ADSL: variants seen among roughly 807,000 people sequenced by gnomAD.
ADSL encodes the protein adenylosuccinate lyase.
A neutral mutation model predicts 62.1 loss-of-function variants in ADSL; 44 were observed. The observed-to-expected ratio is 0.71, with a 90% CI of 0.56 to 0.91. ADSL has a LOEUF of 0.91. Ranked by LOEUF, ADSL falls within the 40% of genes least tolerant of loss-of-function variation. The pLI is 0.00. For missense variants in ADSL, 531 were observed against 627.4 expected (o/e 0.85, Z 1.64); for synonymous variants, 198 against 220.5 (o/e 0.90, Z 0.90).
chr22:40,383,389 CCTGGG>C (rs1360166574), intron 2 of ADSL, among the ~76,000 whole-genome samples: 5 of 151,390 alleles, frequency 3.3e-5, no homozygotes, highest in Non-Finnish European at 1.5e-5. Flanking sequence ...ATGGCGTGAA[CCTGGG>C]AGGTGGAGCT....
chr22:40,346,767 G>T, intron 1 of ADSL, 56 bp downstream of exon 1: 1 of 1,536,946 alleles, frequency 6.5e-7, no homozygotes, highest in Non-Finnish European at 8.8e-7. Context: ...GCCCCAGCAC[G>T]TGCCGGGCTC....
intron 1 of ADSL, 30 bp downstream of exon 1, chr22:40,346,741 C>T (rs2743716): frequency 6.4e-7 from 1 of 1,569,730 alleles, no homozygotes; most frequent in South Asian, 1.2e-5. Flanking sequence ...GGGGCTGGGC[C>T]GGGAGGGACG....
Position 40,358,851 on chromosome 22 carries a change from T to C in ADSL, c.483-13T>C, listed in dbSNP as rs1601581843. 1.2e-6 allele frequency: 2 copies of C among 1,614,164 alleles called. No homozygotes were observed. Among genetic ancestry groups the C allele is most frequent in the Non-Finnish European group, 1.7e-6 (2 of 1,179,980 alleles). Reference sequence around the variant, plus strand: ...CGGTCTGAGACTTTCGTGTGTTCTCTTTGGGTTTTCAGGCCTGCACAGCTG... The same window carrying C: ...CGGTCTGAGACTTTCGTGTGTTCTCCTTGGGTTTTCAGGCCTGCACAGCTG... On this transcript the variant is annotated splice_polypyrimidine_tract_variant and intron_variant, in intron 4 of 12. Coordinates refer to ENST00000623063, the MANE Select transcript of ADSL (RefSeq NM_000026.4).
downstream of ADSL, among the ~76,000 whole-genome samples, chr22:40,371,677 T>G (rs990253439): frequency 6.6e-6 from 1 of 152,152 alleles, no homozygotes; most frequent in Non-Finnish European, 1.5e-5. Flanking sequence ...GGTGATTAAT[T>G]TGTAATTCTT....
chr22:40,353,218 A>G, intron 3 of ADSL, 101 bp downstream of exon 3: 2 of 930,646 alleles, frequency 2.1e-6, no homozygotes, highest in Non-Finnish European at 3.6e-6. Context: ...TTTTACATAG[A>G]CTATCATTTT....
At chr22:40,378,590 G>A (rs1011677241) in intron 2 of ADSL, among the ~76,000 whole-genome samples, 9 of 151,864 alleles carry the variant, frequency 5.9e-5, no homozygotes, top group Non-Finnish European at 8.8e-5. Flanking sequence ...AAAATTAGCC[G>A]GGTGTGGTGG....
downstream of ADSL, among the ~76,000 whole-genome samples, chr22:40,371,166 CG>C (rs1181769084): frequency 6.6e-6 from 1 of 152,206 alleles, no homozygotes; most frequent in Non-Finnish European, 1.5e-5. Context: ...GCCCGAGACT[CG>C]GAACACCGGT....
At chr22:40,350,138 T>C in intron 2 of ADSL, 103 bp downstream of exon 2, 3 of 1,199,248 alleles carry the variant, frequency 2.5e-6, no homozygotes, top group Non-Finnish European at 3.6e-6. Context: ...TAGATCTTTT[T>C]TTTTTTTTTG....
At chr22:40,360,576 C>A in intron 7 of ADSL, 84 bp downstream of exon 7, 1 of 949,558 alleles carries the variant, frequency 1.1e-6, no homozygotes, top group Non-Finnish European at 1.7e-6. Context: ...TTTACTTAAC[C>A]ATCTCTCTCA....
rs535467212 is a variant in ADSL, at chr22:40,349,518, G to A, written c.154-314G>A. The stretch of plus-strand genomic sequence containing the variant: ...GCCTCCTGAGTAGCTAGGACTACAG[G>A]TGCACGCCACCATGCCTGGCTAATT... On this transcript the variant is annotated intron_variant, in intron 1 of 12. Transcript: ENST00000623063. Among the ~76,000 whole-genome samples the A allele has an allele frequency of 5.9e-5, 9 of 152,042 alleles. No homozygotes were observed. In the East Asian group the frequency reaches 1.5e-3, roughly 26 times the overall value.
chr22:40,349,489 C>T (rs568484888), intron 1 of ADSL, among the ~76,000 whole-genome samples: 2 of 152,018 alleles, frequency 1.3e-5, no homozygotes, highest in East Asian at 3.9e-4. Flanking sequence ...ATTCTCCAAC[C>T]TCAGCCTCCT....
intron 4 of ADSL, among the ~76,000 whole-genome samples, chr22:40,355,379 G>A (rs1483376259): frequency 6.6e-6 from 1 of 152,158 alleles, no homozygotes; most frequent in African/African-American, 2.4e-5. Context: ...CTGACCTCAA[G>A]TGATCTGCCC....
downstream of ADSL, chr22:40,373,433 G>C (rs1352616271): frequency 6.6e-6 from 1 of 152,056 alleles, no homozygotes; most frequent in African/African-American, 2.4e-5. Context: ...CAACTCTGTT[G>C]AAACTACTCT....
intron 1 of ADSL, chr22:40,348,335 G>T (rs2044219252): frequency 2.5e-6 from 1 of 397,506 alleles, no homozygotes; most frequent in Admixed American, 4.4e-5. Context: ...TGGCTGCCGA[G>T]TACTTGAAAT....
At chr22:40,376,915 G>A (rs2046727986) in intron 2 of ADSL, among the ~76,000 whole-genome samples, 1 of 152,146 alleles carries the variant, frequency 6.6e-6, no homozygotes, top group Non-Finnish European at 1.5e-5. Context: ...AAAGCATTTT[G>A]CACACATTTT....
At chr22:40,354,139 T>G (rs1601565306) in intron 3 of ADSL, 109 bp from the exon 4 acceptor site, 230 of 996,872 alleles carry the variant, frequency 2.3e-4, no homozygotes, top group Non-Finnish European at 3.5e-4. Context: ...CTGCCTTTCA[T>G]GAGTTAGCGG....
chr22:40,356,032 C>CAAAAAAAAA (rs1212379585), intron 4 of ADSL, among the ~76,000 whole-genome samples: 8 of 55,250 alleles, frequency 1.4e-4, no homozygotes, highest in East Asian at 5.9e-4. Context: ...ACTAAAAATA[C>CAAAAAAAAA]AAAAAAAAAA....
chr22:40,359,447 C>G (rs1048001718), intron 6 of ADSL, 141 bp downstream of exon 6: 1 of 656,282 alleles, frequency 1.5e-6, no homozygotes, highest in African/African-American at 2.0e-5. Context: ...TGTCTCTATC[C>G]TGGGTTTTAC....
intron 12 of ADSL, 112 bp from the exon 13 acceptor site, chr22:40,366,324 A>T: frequency 1.3e-6 from 1 of 774,416 alleles, no homozygotes; most frequent in Non-Finnish European, 2.2e-6. Context: ...TCAGTGTTGG[A>T]GTAAAAGCTT....
Sources: allele counts gnomAD v4.1 joint callset (sites outside exome capture counted in the v4.1 genomes callset), GRCh38; gene constraint gnomAD v4.1.1; transcripts MANE v1.5; gene names NCBI Gene and HGNC (gene_info 2026-07-23, HGNC 2026-07-21).